TCF12: variants seen among roughly 807,000 people sequenced by gnomAD.
The protein encoded by TCF12 is transcription factor 12, also known as DNA-binding protein HTF4.
In TCF12, 45 loss-of-function variants were observed where a neutral mutation model predicts 86.0. That is an observed-to-expected ratio of 0.52 (90% confidence interval 0.41 to 0.67). The LOEUF (loss-of-function observed/expected upper bound fraction) is 0.67. Among genes scored for constraint, TCF12 ranks in the 30% least tolerant of loss-of-function variants. TCF12 has a pLI of 0.00. For missense variants in TCF12, 881 were observed against 859.9 expected (o/e 1.02, Z -0.31); for synonymous variants, 330 against 299.6 (o/e 1.10, Z -1.05).
chr15:57,182,505 A>C (rs1162863627), intron 6 of TCF12, among the ~76,000 whole-genome samples: 1 of 152,126 alleles, frequency 6.6e-6, no homozygotes, highest in African/African-American at 2.4e-5. Flanking sequence ...ACAGGATAAA[A>C]TATGGTCTTG....
chr15:57,085,027 A>G (rs182058703), intron 4 of TCF12, among the ~76,000 whole-genome samples: 376 of 152,154 alleles, frequency 2.5e-3, no homozygotes, highest in South Asian at 5.4e-3. Context: ...TATTTTTTGA[A>G]TATTCTATTT....
intron 3 of TCF12, among the ~76,000 whole-genome samples, chr15:56,981,279 A>G (rs774162938): frequency 2.0e-5 from 3 of 152,238 alleles, no homozygotes; most frequent in Non-Finnish European, 2.9e-5. Context: ...GCCAAGTCCA[A>G]GATCAAGGTA....
At chr15:57,251,253 A>G (rs1326706969) in intron 13 of TCF12, 97 bp from the exon 14 acceptor site, 7 of 1,002,300 alleles carry the variant, frequency 7.0e-6, no homozygotes, top group South Asian at 3.0e-5. Flanking sequence ...ATTCATGTAA[A>G]TTTATTTAGT....
intron 8 of TCF12, among the ~76,000 whole-genome samples, chr15:57,199,254 T>G (rs1249513122): frequency 6.6e-6 from 1 of 152,196 alleles, no homozygotes; most frequent in African/African-American, 2.4e-5. Flanking sequence ...TTAACAGTTG[T>G]GTGCTATGCA....
chr15:57,051,589 G>A (rs2067622708), intron 3 of TCF12, among the ~76,000 whole-genome samples: 1 of 151,964 alleles, frequency 6.6e-6, no homozygotes, highest in Non-Finnish European at 1.5e-5. Context: ...TTCCCAAAGT[G>A]CTGGGATTAC....
chr15:56,965,109 A>G (rs1234300527), intron 3 of TCF12, among the ~76,000 whole-genome samples: 2 of 152,212 alleles, frequency 1.3e-5, no homozygotes, highest in East Asian at 3.8e-4. Context: ...GTGGATGACT[A>G]AAGGCACTAG....
intron 3 of TCF12, among the ~76,000 whole-genome samples, chr15:57,061,726 T>A (rs2068470221): frequency 6.6e-6 from 1 of 152,220 alleles, no homozygotes; most frequent in South Asian, 2.1e-4. Context: ...ACAAGATTCA[T>A]CGAAATCACT....
chr15:57,005,596 C>G (rs1352992177), intron 3 of TCF12, among the ~76,000 whole-genome samples: 5 of 152,078 alleles, frequency 3.3e-5, no homozygotes, highest in African/African-American at 4.8e-5. Context: ...TAGACAGGGC[C>G]TTGGTCTGTC....
chr15:57,034,226 G>T (rs2141376272), intron 3 of TCF12, among the ~76,000 whole-genome samples: 1 of 152,192 alleles, frequency 6.6e-6, no homozygotes, highest in African/African-American at 2.4e-5. Context: ...TATTTTTGTT[G>T]TTGTTTTTGG....
chr15:57,179,471 A>C (rs1426041372), intron 6 of TCF12, among the ~76,000 whole-genome samples: 6 of 152,162 alleles, frequency 3.9e-5, no homozygotes, highest in Non-Finnish European at 8.8e-5. Flanking sequence ...CAGAGGCTGC[A>C]CTGAGCCAAG....
intron 3 of TCF12, 87 bp from the exon 4 acceptor site, chr15:57,063,663 T>C: frequency 9.4e-7 from 1 of 1,062,940 alleles, no homozygotes; most frequent in Non-Finnish European, 1.4e-6. Flanking sequence ...CAAATACCAC[T>C]TGCTAAATTG....
intron 18 of TCF12, among the ~76,000 whole-genome samples, chr15:57,272,013 C>T (rs1290179457): frequency 6.6e-6 from 1 of 152,124 alleles, no homozygotes; most frequent in Non-Finnish European, 1.5e-5. Flanking sequence ...CTGCTTTCTG[C>T]TACCATAGTT....
chr15:57,241,490 G>C (rs1448904337), intron 12 of TCF12, among the ~76,000 whole-genome samples: 1 of 152,050 alleles, frequency 6.6e-6, no homozygotes, highest in Non-Finnish European at 1.5e-5. Context: ...TTTTTAAATA[G>C]AGTATACAGT....
At chr15:56,929,401 T>C (rs2060150041) in intron 3 of TCF12, among the ~76,000 whole-genome samples, 1 of 152,336 alleles carries the variant, frequency 6.6e-6, no homozygotes, top group Non-Finnish European at 1.5e-5. Context: ...TTTGAAACTT[T>C]CTTGTTTCCA....
intron 6 of TCF12, among the ~76,000 whole-genome samples, chr15:57,186,103 A>G (rs1352686416): frequency 5.3e-5 from 8 of 152,238 alleles, no homozygotes; most frequent in African/African-American, 1.7e-4. Flanking sequence ...AAATTCCTAG[A>G]TATAAACACA....
chr15:57,271,093 C>T (rs1597801288), intron 18 of TCF12, among the ~76,000 whole-genome samples: 1 of 152,218 alleles, frequency 6.6e-6, no homozygotes, highest in Admixed American at 6.5e-5. Context: ...AACCACTGTT[C>T]TCTTCAGGGC....
chr15:57,198,933 C>G (rs1215419852), intron 8 of TCF12, among the ~76,000 whole-genome samples: 2 of 152,146 alleles, frequency 1.3e-5, no homozygotes. Context: ...TGCCTTCCTT[C>G]TTTTCTGTGT....
chr15:57,120,945 C>T (rs1022366793), intron 5 of TCF12, among the ~76,000 whole-genome samples: 16 of 152,104 alleles, frequency 1.1e-4, no homozygotes, highest in African/African-American at 3.9e-4. Flanking sequence ...TGCACCTCTG[C>T]ACTCTAGCCT....
intron 3 of TCF12, among the ~76,000 whole-genome samples, chr15:57,021,209 A>G (rs56989151): frequency 4.5e-4 from 68 of 152,312 alleles, no homozygotes; most frequent in African/African-American, 1.6e-3. Context: ...TGGGCAGAGT[A>G]TGGGTCAAGA....
Sources: allele counts gnomAD v4.1 joint callset (sites outside exome capture counted in the v4.1 genomes callset), GRCh38; gene constraint gnomAD v4.1.1; transcripts MANE v1.5; gene names NCBI Gene and HGNC (gene_info 2026-07-23, HGNC 2026-07-21).